Variants in DCPS observed in about 807,000 individuals in gnomAD.
DCPS encodes the protein m7GpppX diphosphatase.
In DCPS, 27 loss-of-function variants were observed where a neutral mutation model predicts 34.7. The ratio of observed to expected loss-of-function variants is 0.78; its 90% confidence interval spans 0.57 to 1.07. The LOEUF is 1.07. Among genes scored for constraint, DCPS ranks in the 50% least tolerant of loss-of-function variants. The pLI, the probability that DCPS is intolerant of heterozygous loss-of-function variation, is 0.00. For synonymous variants in DCPS, 185 were observed against 185.7 expected (o/e 1.00, Z 0.03); for missense variants, 464 against 436.9 (o/e 1.06, Z -0.55).
chr11:126,338,373 C>T lies in DCPS; in HGVS notation c.610C>T (p.Pro204Ser). Residue 204 changes from proline (P) to serine (S), a missense_variant, in exon 4 of 6, where the codon CCT becomes TCT. By Grantham distance (74) the Pro-to-Ser change is moderately conservative. Transcript: ENST00000263579. This position sits in a 1 kb window ranked among gnomAD's most constrained non-coding sequence, Gnocchi z 5.4. ...PDPSDGFVLIPDLKWNQQQLD... is the reference protein window; with the variant it reads ...PDPSDGFVLISDLKWNQQQLD... ...TCCCTCTGATGGTTTTGTCCTCATC[C>T]CTGACCTCAAGTGGAACCAACAGCA... is the stretch of plus-strand genomic sequence containing the variant. 6.2e-7 allele frequency: 1 copy of T among 1,614,152 alleles called. No individual in the cohort carries two copies. The highest frequency in any genetic ancestry group is 1.3e-5 in the African/African-American group (1 of 75,032).
rs182213372 is a variant in DCPS at position 126,326,641 on chromosome 11, C to T, written c.377-4764C>T. On this transcript the variant is annotated intron_variant, in intron 2 of 5. Coordinates refer to ENST00000263579, the MANE Select transcript of DCPS (RefSeq NM_014026.6). ...AGAACTCCCTTATAAAAGGACTTCA[C>T]GGCCGGGCGCAGTGGCTCACGCCTG... is the stretch of plus-strand genomic sequence containing the variant. Among the ~76,000 whole-genome samples, 11 of 152,250 alleles carry T rather than the reference C, an allele frequency of 7.2e-5. No individual in the cohort carries two copies. In the South Asian group the frequency reaches 1.0e-3, roughly 14 times the overall value.
At position 126,313,977 on chromosome 11, in the gene DCPS, TG is replaced by T. The variant is rs1342915847; in HGVS notation, c.376+7234del. Among the ~76,000 whole-genome samples, 1 of 152,188 alleles carries T rather than the reference TG, an allele frequency of 6.6e-6. No homozygotes were observed. The highest frequency in any genetic ancestry group is 1.5e-5 in the Non-Finnish European group (1 of 68,042). On this transcript the variant is annotated intron_variant, in intron 2 of 5. Transcript: ENST00000263579. This position sits in a 1 kb window ranked among gnomAD's most constrained non-coding sequence, Gnocchi z 4.9. ...CAAGGGCTGCATCCTCATTCTGAAG[TG>T]TGGTTTTCAGTCACAGTTCTCAAAG... is the stretch of plus-strand genomic sequence containing the variant.
rs1441251761 is a variant in DCPS at position 126,346,020 on chromosome 11, A to G, written c.*407A>G. 6.6e-6 allele frequency among the ~76,000 whole-genome samples: 1 copy of G among 152,014 alleles called. No homozygotes were observed. On this transcript the variant is annotated 3_prime_UTR_variant, in exon 6 of 6. Transcript: ENST00000263579. The surrounding 1 kb of genome is among the most constrained non-coding windows in gnomAD (Gnocchi z 4.1). ...CATCACCCCTCCTCCTTCCCCTGCC[A>G]TCCACCTCTCCTTTGAGGAGTTCCC...
Position 126,333,865 on chromosome 11 carries a change from T to TTCTCTC in DCPS, c.522+2337_522+2342dup, listed in dbSNP as rs112209917. Among the ~76,000 whole-genome samples the TTCTCTC allele has an allele frequency of 2.9e-3, 433 of 149,292 alleles. 4 individuals carry two copies. Among genetic ancestry groups the TTCTCTC allele is most frequent in the Middle Eastern group, 0.011 (3 of 284 alleles). The stretch of plus-strand genomic sequence containing the variant: ...ACGCTTCAGGGAGTGGAGCTGGGAA[T>TTCTCTC]TCTCTCTCTCTCTCTCTCTCTCTCT... On this transcript the variant is annotated intron_variant, in intron 3 of 5. Transcript: ENST00000263579. The surrounding 1 kb of genome is among the most constrained non-coding windows in gnomAD (Gnocchi z 5.7).
Position 126,332,171 on chromosome 11 carries a change from T to TC in DCPS, c.522+626dup, listed in dbSNP as rs1951799025. Among the ~76,000 whole-genome samples the TC allele has an allele frequency of 6.6e-6, 1 of 152,048 alleles. No homozygotes were observed. Among genetic ancestry groups the TC allele is most frequent in the African/African-American group, 2.4e-5 (1 of 41,398 alleles). On this transcript the variant is annotated intron_variant, in intron 3 of 5. Coordinates refer to ENST00000263579, the MANE Select transcript of DCPS (RefSeq NM_014026.6). The surrounding 1 kb of genome is among the most constrained non-coding windows in gnomAD (Gnocchi z 5.4). Reference sequence around the variant, plus strand: ...GAGGAAAAACTCTTCCCTCACCGACTCCCCCTTGCATTCGTCCAAAAGAAG... The same window carrying TC: ...GAGGAAAAACTCTTCCCTCACCGACTCCCCCCTTGCATTCGTCCAAAAGAAG...
rs374335584 is a variant in DCPS, at chr11:126,304,276, G to A, written c.196G>A (p.Gly66Arg). The A allele has an allele frequency of 6.2e-7, 1 of 1,614,032 alleles. No homozygotes were observed. The highest frequency in any genetic ancestry group is 1.1e-5 in the South Asian group (1 of 91,080). The change falls in exon 1 of 6, where the codon GGG becomes AGG. Residue 66 changes from glycine (G) to arginine (R), a missense_variant. Coordinates refer to ENST00000263579, the MANE Select transcript of DCPS (RefSeq NM_014026.6). ...SARDKIIFLH[G>R]KVNEASGDGD... ...GCGGGACAAAATCATTTTCCTACACGGGAAGGTACCAGGAGGCAACCCTGA... is the reference window on the plus strand; with the variant it reads ...GCGGGACAAAATCATTTTCCTACACAGGAAGGTACCAGGAGGCAACCCTGA...
rs1951893199 is a variant in DCPS at position 126,343,416 on chromosome 11, A to C, written c.746A>C (p.Gln249Pro). ...CTCAGGAACATCCTCCACCAGGGGCAGGTGAGTGGCTTCACCAAACCACGT... is the reference window on the plus strand; with the variant it reads ...CTCAGGAACATCCTCCACCAGGGGCCGGTGAGTGGCTTCACCAAACCACGT... Reference protein sequence around the residue: ...PLLRNILHQGQEAILQRYRMK... With the variant: ...PLLRNILHQGPEAILQRYRMK... The change falls in exon 5 of 6, where the codon CAG (glutamine) becomes CCG (proline). Residue 249 changes from glutamine to proline, a missense_variant and splice_region_variant. By Grantham distance (76) the Gln-to-Pro change is moderately conservative (BLOSUM62 -1). Coordinates refer to ENST00000263579, the MANE Select transcript of DCPS (RefSeq NM_014026.6). 1.9e-6 allele frequency: 3 copies of C among 1,612,086 alleles called. No homozygotes were observed. The highest frequency in any genetic ancestry group is 2.5e-6 in the Non-Finnish European group (3 of 1,179,058).
intron 2 of DCPS, among the ~76,000 whole-genome samples, chr11:126,307,946 AC>A: frequency 6.6e-6 from 1 of 152,146 alleles, no homozygotes; most frequent in East Asian, 1.9e-4. Context: ...TGCTCACCAT[AC>A]TCATTCTGTG....
chr11:126,331,676 G>A lies in DCPS; in HGVS notation c.522+126G>A. On this transcript the variant is annotated intron_variant, in intron 3 of 5. Coordinates refer to ENST00000263579, the MANE Select transcript of DCPS (RefSeq NM_014026.6). The surrounding 1 kb of genome is among the most constrained non-coding windows in gnomAD (Gnocchi z 7.2). Reference sequence around the variant, plus strand: ...TGGGCGAGGGGATGGGGGTACAGTAGAGAGCATGGCGGACAGAATCCCCAC... The same window carrying A: ...TGGGCGAGGGGATGGGGGTACAGTAAAGAGCATGGCGGACAGAATCCCCAC... 8.2e-7 allele frequency: 1 copy of A among 1,226,550 alleles called. No individual in the cohort carries two copies. The highest frequency in any genetic ancestry group is 1.1e-6 in the Non-Finnish European group (1 of 895,794). The allele number at this position is 1,226,550 out of a possible 1,614,324, so 76.0% of individuals were successfully genotyped here. A position where few individuals can be genotyped will look rare whatever the true frequency, so the allele number is the denominator to read the frequency against.
chr11:126,307,774 T>C (rs1283177788), intron 2 of DCPS, among the ~76,000 whole-genome samples: 3 of 152,242 alleles, frequency 2.0e-5, no homozygotes, highest in Non-Finnish European at 2.9e-5. Context: ...ATCCTTACTA[T>C]TGTATCTACA....
chr11:126,328,066 G>A lies in DCPS; in HGVS notation c.377-3339G>A, dbSNP rs1408235200. On this transcript the variant is annotated intron_variant, in intron 2 of 5. Transcript: ENST00000263579. The surrounding 1 kb of genome is among the most constrained non-coding windows in gnomAD (Gnocchi z 6.6). ...GCAGCGTGGCTCGTTGGGTAGGAGG[G>A]TCAGCTCGGCCGTGGGAGCGGCCAG... Among the ~76,000 whole-genome samples the A allele has an allele frequency of 2.0e-5, 3 of 152,226 alleles. No homozygotes were observed. The South Asian group carries it at 6.2e-4, about 32-fold the overall frequency.
rs2135314573 is a variant in DCPS at position 126,315,444 on chromosome 11, CA to C, written c.376+8701del. ...GTGTGGTGGTATGTGCCTGTAGTTCCAGCTACTCAGGAGGCTGAAGTTGGAG... is the reference window on the plus strand; with the variant it reads ...GTGTGGTGGTATGTGCCTGTAGTTCCGCTACTCAGGAGGCTGAAGTTGGAG... On this transcript the variant is annotated intron_variant, in intron 2 of 5. Coordinates refer to ENST00000263579, the MANE Select transcript of DCPS (RefSeq NM_014026.6). The surrounding 1 kb of genome is among the most constrained non-coding windows in gnomAD (Gnocchi z 6.1). Among the ~76,000 whole-genome samples the C allele has an allele frequency of 1.3e-5, 2 of 151,884 alleles. No individual in the cohort carries two copies. The highest frequency in any genetic ancestry group is 2.1e-4 in the South Asian group (1 of 4,804).
chr11:126,322,987 G>A lies in DCPS; in HGVS notation c.377-8418G>A, dbSNP rs371432444. On this transcript the variant is annotated intron_variant, in intron 2 of 5. Transcript: ENST00000263579. The surrounding 1 kb of genome is among the most constrained non-coding windows in gnomAD (Gnocchi z 4.2). The stretch of plus-strand genomic sequence containing the variant: ...CGACCAGAGGCAGGTACCACCACAC[G>A]TGGCTAATTTATTATTTTTTGTAGA... Among the ~76,000 whole-genome samples the A allele has an allele frequency of 1.2e-4, 19 of 152,146 alleles. No homozygotes were observed. The highest frequency in any genetic ancestry group is 4.3e-4 in the African/African-American group (18 of 41,508).
Position 126,325,160 on chromosome 11 carries a change from C to T in DCPS, c.377-6245C>T, listed in dbSNP as rs1229267641. On this transcript the variant is annotated intron_variant, in intron 2 of 5. Coordinates refer to ENST00000263579, the MANE Select transcript of DCPS (RefSeq NM_014026.6). The surrounding 1 kb of genome is among the most constrained non-coding windows in gnomAD (Gnocchi z 4.3). ...CAAGATCGTGCCATTGCACTCCAGCCTGGGAGACACAGTGAGACTCAGTTT... is the reference window on the plus strand; with the variant it reads ...CAAGATCGTGCCATTGCACTCCAGCTTGGGAGACACAGTGAGACTCAGTTT... Among the ~76,000 whole-genome samples, 1 of 151,870 alleles carries T rather than the reference C, an allele frequency of 6.6e-6. No homozygotes were observed. The highest frequency in any genetic ancestry group is 2.4e-5 in the African/African-American group (1 of 41,296).
chr11:126,343,775 A>T (rs1464209181), intron 5 of DCPS, among the ~76,000 whole-genome samples: 1 of 152,142 alleles, frequency 6.6e-6, no homozygotes, highest in Non-Finnish European at 1.5e-5. Context: ...TCTTGGGAGT[A>T]TGGGCACATG....
At position 126,342,318 on chromosome 11, in the gene DCPS, G is replaced by C. The variant is rs1380797825; in HGVS notation, c.637-989G>C. 6.6e-6 allele frequency: 1 copy of C among 152,478 alleles called. No individual in the cohort carries two copies. The highest frequency in any genetic ancestry group is 2.4e-5 in the African/African-American group (1 of 41,464). The allele number at this position is 152,478 out of a possible 1,614,324, so 9.4% of individuals were successfully genotyped here. ...TGTGCTCAGGAAGGACAGCAGGAAG[G>C]TATCCTGTGCGATAGGGGAAGAGAG... On this transcript the variant is annotated intron_variant, in intron 4 of 5. Coordinates refer to ENST00000263579, the MANE Select transcript of DCPS (RefSeq NM_014026.6). The surrounding 1 kb of genome is among the most constrained non-coding windows in gnomAD (Gnocchi z 4.4).
chr11:126,345,852 G>A lies in DCPS; in HGVS notation c.*239G>A. On this transcript the variant is annotated 3_prime_UTR_variant, in exon 6 of 6. Coordinates refer to ENST00000263579, the MANE Select transcript of DCPS (RefSeq NM_014026.6). This position sits in a 1 kb window ranked among gnomAD's most constrained non-coding sequence, Gnocchi z 7.4. ...TGAGAATGGTGGAAAGTCTCCAGGTGGTGGTTTCAACTGACAGGTGGGAGC... is the reference window on the plus strand; with the variant it reads ...TGAGAATGGTGGAAAGTCTCCAGGTAGTGGTTTCAACTGACAGGTGGGAGC... 1 of 614,676 alleles carries A rather than the reference G, an allele frequency of 1.6e-6. No homozygotes were observed. The highest frequency in any genetic ancestry group is 2.7e-6 in the Non-Finnish European group (1 of 363,918). The allele number at this position is 614,676 out of a possible 1,614,324, so 38.1% of individuals were successfully genotyped here.
chr11:126,347,814 G>C lies in DCPS; in HGVS notation c.*2201G>C, dbSNP rs189224191. ...AGTTGTGCCCATTCCAGGTCCAGGGGAAAGAAGTGACCCGCTTCCCCTCTG... is the reference window on the plus strand; with the variant it reads ...AGTTGTGCCCATTCCAGGTCCAGGGCAAAGAAGTGACCCGCTTCCCCTCTG... On this transcript the variant is annotated 3_prime_UTR_variant, in exon 6 of 6. Coordinates refer to ENST00000263579, the MANE Select transcript of DCPS (RefSeq NM_014026.6). The surrounding 1 kb of genome is among the most constrained non-coding windows in gnomAD (Gnocchi z 4.2). Among the ~76,000 whole-genome samples the C allele has an allele frequency of 1.8e-4, 27 of 152,304 alleles. No individual in the cohort carries two copies. The East Asian group carries it at 4.1e-3, about 23-fold the overall frequency.
chr11:126,309,087 C>G (rs1488448753), intron 2 of DCPS, among the ~76,000 whole-genome samples: 1 of 150,206 alleles, frequency 6.7e-6, no homozygotes, highest in Non-Finnish European at 1.5e-5. Flanking sequence ...TGCAATGGCA[C>G]GTTCTTGGCT....
Sources: gnomAD v4.1 joint callset for allele counts (sites outside exome capture counted in the v4.1 genomes callset) on GRCh38, gnomAD v4.1.1 for gene constraint, Gnocchi (gnomAD v3.1) non-coding constraint, MANE v1.5 for transcripts, NCBI Gene and HGNC (gene_info 2026-07-23, HGNC 2026-07-21) for gene names.